The following RCAN2 variants were observed in gnomAD, a reference collection of about 807,000 sequenced individuals.
The protein encoded by RCAN2 is regulator of calcineurin 2.
Under a neutral mutation model 23.6 loss-of-function variants are expected in RCAN2, and 9 were observed. The observed-to-expected ratio is 0.38, with a 90% CI of 0.23 to 0.67. The LOEUF (loss-of-function observed/expected upper bound fraction) is 0.67, where lower values mean the gene tolerates loss of function less well. Among genes scored for constraint, RCAN2 ranks in the 30% least tolerant of loss-of-function variants. RCAN2 has a pLI of 0.51. For synonymous variants in RCAN2, 109 were observed against 115.7 expected (o/e 0.94, Z 0.37); for missense variants, 273 against 302.3 (o/e 0.90, Z 0.72).
Position 46,248,838 on chromosome 6 carries a change from T to C in RCAN2, c.284A>G (p.Lys95Arg), listed in dbSNP as rs1766610085. The C allele has an allele frequency of 6.2e-7, 1 of 1,612,984 alleles. No individual in the cohort carries two copies. Among genetic ancestry groups the C allele is most frequent in the Non-Finnish European group, 8.5e-7 (1 of 1,179,758 alleles). ...GTTTATACGGACACGTCTGAAACTCTTAAATAGCTGGAACGTCACACAGTC... is the reference window on the plus strand; with the variant it reads ...GTTTATACGGACACGTCTGAAACTCCTAAATAGCTGGAACGTCACACAGTC... ...YDDCVTFQLF[K>R]SFRRVRINFS... Residue 95 changes from lysine to arginine, a missense_variant, in exon 3 of 5, where the codon AAG becomes AGG. Coordinates refer to ENST00000371374, the MANE Select transcript of RCAN2 (RefSeq NM_001251974.2).
intron 1 of RCAN2, among the ~76,000 whole-genome samples, chr6:46,472,744 T>C (rs188798082): frequency 1.7e-4 from 26 of 152,280 alleles, no homozygotes; most frequent in Non-Finnish European, 2.9e-4. Context: ...TCTTGAATGA[T>C]TGGGGAATCA....
intron 2 of RCAN2, among the ~76,000 whole-genome samples, chr6:46,455,072 A>G (rs1767979381): frequency 6.6e-6 from 1 of 152,260 alleles, no homozygotes; most frequent in Admixed American, 6.5e-5. Flanking sequence ...ATGAGAATAC[A>G]TAGACTGTTG....
chr6:46,387,695 C>T lies in RCAN2; in HGVS notation c.225+69057G>A, dbSNP rs574974536. On this transcript the variant is annotated intron_variant, in intron 2 of 4. Coordinates refer to ENST00000371374, the MANE Select transcript of RCAN2 (RefSeq NM_001251974.2). ...TCAACCATTGTGGAAGACAGTGTGG[C>T]GATTCCTCAAGGATGTAGAACTAGA... is the stretch of plus-strand genomic sequence containing the variant. Among the ~76,000 whole-genome samples, 188 of 152,258 alleles carry T rather than the reference C, an allele frequency of 1.2e-3. 1 individual carries two copies. Among genetic ancestry groups the T allele is most frequent in the Non-Finnish European group, 1.7e-3 (117 of 68,022 alleles).
chr6:46,223,280 G>C lies in RCAN2; in HGVS notation c.593C>G (p.Ala198Gly). ...GACACTTGGGGTGGACTCAGTCCCT[G>C]CATGGAGCTCATACTTCTCTCCTGA... ...LGPGEKYELH[A>G]GTESTPSVVV... is the part of the protein sequence containing the mutation. Residue 198 changes from alanine to glycine, a missense_variant, in exon 5 of 5, where the codon GCA becomes GGA. Ala to Gly is a moderately conservative substitution (Grantham distance 60). Coordinates refer to ENST00000371374, the MANE Select transcript of RCAN2 (RefSeq NM_001251974.2). 6.2e-7 allele frequency: 1 copy of C among 1,613,766 alleles called. No individual in the cohort carries two copies.
intron 2 of RCAN2, among the ~76,000 whole-genome samples, chr6:46,447,144 T>A (rs1052629288): frequency 2.0e-5 from 3 of 152,150 alleles, no homozygotes; most frequent in Middle Eastern, 3.4e-3. Context: ...GGGAAAAAGA[T>A]ATTCCATGTA....
chr6:46,468,174 T>C (rs1768447382), intron 1 of RCAN2, among the ~76,000 whole-genome samples: 1 of 152,220 alleles, frequency 6.6e-6, no homozygotes, highest in Admixed American at 6.5e-5. Context: ...CAATTATACC[T>C]TTACTTAATC....
intron 2 of RCAN2, among the ~76,000 whole-genome samples, chr6:46,328,085 A>G (rs775380606): frequency 4.6e-5 from 7 of 152,226 alleles, no homozygotes; most frequent in African/African-American, 7.2e-5. Context: ...ATAAAAGATA[A>G]ACATTGCTGT....
chr6:46,385,571 G>T (rs927147800), intron 2 of RCAN2, among the ~76,000 whole-genome samples: 1 of 152,066 alleles, frequency 6.6e-6, no homozygotes, highest in African/African-American at 2.4e-5. Context: ...AGACTTAAAT[G>T]TAGGGCTGGG....
At chr6:46,414,204 A>G (rs1766633409) in intron 2 of RCAN2, among the ~76,000 whole-genome samples, 1 of 152,242 alleles carries the variant, frequency 6.6e-6, no homozygotes, top group African/African-American at 2.4e-5. Context: ...CCCATTTTGC[A>G]TAGACTCTTA....
At chr6:46,435,176 G>A (rs552686046) in intron 2 of RCAN2, among the ~76,000 whole-genome samples, 1 of 152,242 alleles carries the variant, frequency 6.6e-6, no homozygotes, top group East Asian at 1.9e-4. Context: ...GTATGCTATT[G>A]GCTATCATTC....
intron 2 of RCAN2, among the ~76,000 whole-genome samples, chr6:46,316,400 T>A (rs553035494): frequency 6.6e-6 from 1 of 152,160 alleles, no homozygotes; most frequent in Non-Finnish European, 1.5e-5. Flanking sequence ...TTGCTCAAGG[T>A]CACACTATCA....
At chr6:46,433,827 T>A (rs1442396328) in intron 2 of RCAN2, among the ~76,000 whole-genome samples, 1 of 152,206 alleles carries the variant, frequency 6.6e-6, no homozygotes, top group Non-Finnish European at 1.5e-5. Context: ...AATAGGAAAC[T>A]AATACTCTAG....
At chr6:46,240,547 C>T (rs1183254829) in intron 4 of RCAN2, among the ~76,000 whole-genome samples, 1 of 152,088 alleles carries the variant, frequency 6.6e-6, no homozygotes, top group African/African-American at 2.4e-5. Context: ...TGGGGTATGA[C>T]ACAGAGAGAC....
intron 2 of RCAN2, among the ~76,000 whole-genome samples, chr6:46,344,003 T>C (rs1266153015): frequency 1.3e-5 from 2 of 152,208 alleles, no homozygotes; most frequent in Non-Finnish European, 1.5e-5. Flanking sequence ...ATTCCATTCA[T>C]ATGAAATGTC....
At chr6:46,483,095 T>C (rs769805719) in intron 1 of RCAN2, among the ~76,000 whole-genome samples, 3 of 152,196 alleles carry the variant, frequency 2.0e-5, no homozygotes, top group Non-Finnish European at 4.4e-5. Flanking sequence ...AAGCACACTG[T>C]GGACTGCCCC....
At chr6:46,280,390 T>C (rs1456213186) in intron 2 of RCAN2, among the ~76,000 whole-genome samples, 1 of 152,122 alleles carries the variant, frequency 6.6e-6, no homozygotes, top group African/African-American at 2.4e-5. Context: ...CATTGAACCT[T>C]TGCAAGATGT....
chr6:46,293,911 C>T (rs1202234120), intron 2 of RCAN2, among the ~76,000 whole-genome samples: 1 of 152,074 alleles, frequency 6.6e-6, no homozygotes, highest in Non-Finnish European at 1.5e-5. Context: ...GAGCATGTTG[C>T]AAAAGCATGA....
chr6:46,385,365 C>A (rs1427736066), intron 2 of RCAN2, among the ~76,000 whole-genome samples: 1 of 152,164 alleles, frequency 6.6e-6, no homozygotes, highest in Non-Finnish European at 1.5e-5. Context: ...TTTTCTATCA[C>A]TATAAATACT....
intron 2 of RCAN2, among the ~76,000 whole-genome samples, chr6:46,258,304 G>A (rs1044278556): frequency 5.9e-5 from 9 of 152,170 alleles, no homozygotes; most frequent in South Asian, 2.1e-4. Context: ...CATAACTGGC[G>A]TGCATGTGAG....
Sources: gnomAD v4.1 joint callset for allele counts (sites outside exome capture counted in the v4.1 genomes callset) on GRCh38, gnomAD v4.1.1 for gene constraint, MANE v1.5 for transcripts, NCBI Gene and HGNC (gene_info 2026-07-23, HGNC 2026-07-21) for gene names.